KCNQ5: variants seen among roughly 807,000 people sequenced by gnomAD.
KCNQ5 encodes potassium voltage-gated channel subfamily Q member 5.
KCNQ5 carries 30 observed loss-of-function variants against 98.2 expected under a neutral mutation model. That is an observed-to-expected ratio of 0.31 (90% CI 0.23 to 0.41). KCNQ5 has a LOEUF of 0.41. KCNQ5 is among the 10% of genes least tolerant of loss of function. The probability of loss-of-function intolerance (pLI) is 1.00; values close to 1 mark genes in which losing one functional copy is unlikely to be tolerated. For missense variants in KCNQ5, 835 were observed against 1,182.5 expected, an observed-to-expected ratio of 0.71 and a Z score of 4.31; for synonymous variants, 458 against 449.4, an observed-to-expected ratio of 1.02 and a Z score of -0.24.
intron 1 of KCNQ5, among the ~76,000 whole-genome samples, chr6:72,957,938 T>TA (rs1767166064): frequency 6.6e-6 from 1 of 152,266 alleles, no homozygotes; most frequent in South Asian, 2.1e-4. Context: ...TTACAAATTA[T>TA]AAAAAAGAAA....
intron 1 of KCNQ5, among the ~76,000 whole-genome samples, chr6:72,897,927 A>G (rs909812399): frequency 4.6e-5 from 7 of 152,212 alleles, no homozygotes; most frequent in Non-Finnish European, 1.0e-4. Flanking sequence ...TTCTCTCTAC[A>G]CTTCCCAAAT....
intron 3 of KCNQ5, among the ~76,000 whole-genome samples, chr6:73,075,428 G>A (rs571978981): frequency 3.6e-4 from 55 of 151,968 alleles, no homozygotes; most frequent in East Asian, 2.1e-3. Flanking sequence ...TCACCATGTT[G>A]GCCAGGATGG....
chr6:72,689,997 G>T (rs974126191), intron 1 of KCNQ5, among the ~76,000 whole-genome samples: 2 of 152,256 alleles, frequency 1.3e-5, no homozygotes, highest in Non-Finnish European at 2.9e-5. Context: ...AAAATGGCCA[G>T]GCGCGGTTGC....
intron 10 of KCNQ5, among the ~76,000 whole-genome samples, chr6:73,165,012 TC>T (rs1777740157): frequency 6.6e-6 from 1 of 151,878 alleles, no homozygotes; most frequent in African/African-American, 2.4e-5. Context: ...TGGGTCTCAC[TC>T]TGTTGCCCAG....
At chr6:72,711,307 C>T (rs111302244) in intron 1 of KCNQ5, among the ~76,000 whole-genome samples, 2,028 of 152,160 alleles carry the variant, frequency 0.013, 33 homozygotes, top group African/African-American at 0.042. Context: ...ATCTTGGACT[C>T]CCAGCCTTCA....
chr6:72,842,367 A>G (rs1049461882), intron 1 of KCNQ5, among the ~76,000 whole-genome samples: 1 of 152,206 alleles, frequency 6.6e-6, no homozygotes, highest in Non-Finnish European at 1.5e-5. Context: ...AGAGTTGACA[A>G]CTATGATTCA....
At chr6:72,906,086 G>A (rs1445220288) in intron 1 of KCNQ5, among the ~76,000 whole-genome samples, 1 of 152,154 alleles carries the variant, frequency 6.6e-6, no homozygotes, top group Non-Finnish European at 1.5e-5. Context: ...TGCTGTGGGG[G>A]ATGGGGGTGA....
intron 1 of KCNQ5, among the ~76,000 whole-genome samples, chr6:72,953,185 C>T (rs958627471): frequency 2.0e-5 from 3 of 152,146 alleles, no homozygotes; most frequent in Admixed American, 1.3e-4. Flanking sequence ...ATGATGAAGG[C>T]CACATAACAA....
At chr6:72,873,205 AT>A (rs1222021176) in intron 1 of KCNQ5, among the ~76,000 whole-genome samples, 1 of 152,120 alleles carries the variant, frequency 6.6e-6, no homozygotes, top group Non-Finnish European at 1.5e-5. Flanking sequence ...TGTTATTAAT[AT>A]TGCTGAAGCT....
intron 1 of KCNQ5, among the ~76,000 whole-genome samples, chr6:72,938,959 G>C (rs894417821): frequency 6.6e-6 from 1 of 152,090 alleles, no homozygotes; most frequent in African/African-American, 2.4e-5. Flanking sequence ...TTCAGACCTA[G>C]AACAGATTTC....
intron 1 of KCNQ5, among the ~76,000 whole-genome samples, chr6:72,956,686 A>C (rs1213461416): frequency 6.6e-6 from 1 of 151,750 alleles, no homozygotes; most frequent in African/African-American, 2.4e-5. Flanking sequence ...GATTACAGAC[A>C]TGAGCTGCTG....
intron 1 of KCNQ5, among the ~76,000 whole-genome samples, chr6:72,659,934 T>G (rs79074515): frequency 0.019 from 2,927 of 152,334 alleles, 77 homozygotes; most frequent in African/African-American, 0.065. Flanking sequence ...GCTGTTCCAC[T>G]TCTAACCACC....
intron 10 of KCNQ5, among the ~76,000 whole-genome samples, chr6:73,146,168 A>G (rs1776915884): frequency 6.6e-6 from 1 of 152,234 alleles, no homozygotes; most frequent in Admixed American, 6.5e-5. Context: ...GTCATTATAA[A>G]ACATGGCTGC....
intron 2 of KCNQ5, among the ~76,000 whole-genome samples, chr6:73,035,603 A>T (rs1771378085): frequency 6.6e-6 from 1 of 152,214 alleles, no homozygotes; most frequent in Non-Finnish European, 1.5e-5. Flanking sequence ...TCTCGACTGA[A>T]TGTAACAGAT....
intron 1 of KCNQ5, among the ~76,000 whole-genome samples, chr6:72,899,527 A>G (rs1779392469): frequency 1.3e-5 from 2 of 152,204 alleles, no homozygotes; most frequent in African/African-American, 4.8e-5. Flanking sequence ...GCACTGTGTA[A>G]AATTTTTATC....
chr6:73,019,553 T>C (rs940666259), intron 2 of KCNQ5, among the ~76,000 whole-genome samples: 11 of 152,164 alleles, frequency 7.2e-5, no homozygotes, highest in African/African-American at 2.7e-4. Flanking sequence ...GATAAAAGGA[T>C]AAAACCTGCA....
At chr6:72,682,105 C>G (rs545212464) in intron 1 of KCNQ5, among the ~76,000 whole-genome samples, 5 of 152,178 alleles carry the variant, frequency 3.3e-5, no homozygotes, top group Non-Finnish European at 7.3e-5. Context: ...AAAATACTTC[C>G]TTAGATATTT....
chr6:72,853,413 A>G (rs563306278), intron 1 of KCNQ5, among the ~76,000 whole-genome samples: 5 of 152,078 alleles, frequency 3.3e-5, no homozygotes, highest in African/African-American at 1.2e-4. Context: ...GTGCCATCGC[A>G]GCTCACTGAA....
chr6:72,735,788 A>G (rs1304105406), intron 1 of KCNQ5, among the ~76,000 whole-genome samples: 1 of 152,020 alleles, frequency 6.6e-6, no homozygotes, highest in African/African-American at 2.4e-5. Flanking sequence ...GCTTTGAAAA[A>G]TGAAGAAGCT....
Sources: gnomAD v4.1 joint callset for allele counts (sites outside exome capture counted in the v4.1 genomes callset) on GRCh38, gnomAD v4.1.1 for gene constraint, MANE v1.5 for transcripts, NCBI Gene and HGNC (gene_info 2026-07-23, HGNC 2026-07-21) for gene names.